Variants in TMEM135 observed in about 807,000 individuals in gnomAD.
The protein encoded by TMEM135 is transmembrane protein 135, also known as peroxisomal membrane protein 52.
A neutral mutation model predicts 60.3 loss-of-function variants in TMEM135; 30 were observed. That is an observed-to-expected ratio of 0.50 (90% CI 0.37 to 0.68). The LOEUF is 0.68. Among genes scored for constraint, TMEM135 ranks in the 30% least tolerant of loss-of-function variants. The pLI, the probability that TMEM135 is intolerant of heterozygous loss-of-function variation, is 0.00. For synonymous variants in TMEM135, 190 were observed against 186.7 expected (o/e 1.02, Z -0.14); for missense variants, 468 against 548.8 (o/e 0.85, Z 1.47).
At chr11:87,120,563 C>A (rs1444422370) in intron 4 of TMEM135, among the ~76,000 whole-genome samples, 1 of 150,556 alleles carries the variant, frequency 6.6e-6, no homozygotes, top group South Asian at 2.1e-4. Context: ...CCTCCACCTC[C>A]CTGGTTCAAG....
At chr11:87,110,818 TA>T (rs771058130) in intron 4 of TMEM135, among the ~76,000 whole-genome samples, 103 of 152,106 alleles carry the variant, frequency 6.8e-4, no homozygotes, top group Non-Finnish European at 2.6e-4. Flanking sequence ...TCAGGGTCAA[TA>T]AAAAATTGCA....
chr11:87,096,715 C>G (rs2135176789), intron 4 of TMEM135: 1 of 152,270 alleles, frequency 6.6e-6, no homozygotes, highest in East Asian at 1.9e-4. Context: ...TAATTGTATT[C>G]ACTTCATTTC....
chr11:87,235,366 A>G (rs1010272824), intron 5 of TMEM135, among the ~76,000 whole-genome samples: 1 of 151,788 alleles, frequency 6.6e-6, no homozygotes, highest in Non-Finnish European at 1.5e-5. Context: ...TTACATAAAT[A>G]TATATAATAT....
At chr11:87,144,370 T>G (rs1372070929) in intron 4 of TMEM135, among the ~76,000 whole-genome samples, 1 of 152,234 alleles carries the variant, frequency 6.6e-6, no homozygotes, top group South Asian at 2.1e-4. Context: ...ACAGTCTCTG[T>G]TGCAACTATT....
At chr11:87,246,103 A>G (rs1314416420) in intron 6 of TMEM135, among the ~76,000 whole-genome samples, 1 of 131,364 alleles carries the variant, frequency 7.6e-6, no homozygotes, top group Non-Finnish European at 1.7e-5. Flanking sequence ...TTTCTCCTTC[A>G]CTTATGAAGG....
chr11:87,205,905 TGTTA>T (rs1940224123), intron 5 of TMEM135, among the ~76,000 whole-genome samples: 2 of 152,164 alleles, frequency 1.3e-5, no homozygotes, highest in Admixed American at 1.3e-4. Flanking sequence ...CCTGAGTGTC[TGTTA>T]GTTCTCCCTC....
chr11:87,262,736 A>G (rs1242743377), intron 6 of TMEM135, among the ~76,000 whole-genome samples: 8 of 152,256 alleles, frequency 5.3e-5, no homozygotes, highest in Non-Finnish European at 1.5e-5. Flanking sequence ...AGCTCCCCAT[A>G]TCTTCATTTT....
chr11:87,184,245 T>C (rs902975250), intron 5 of TMEM135, among the ~76,000 whole-genome samples: 34 of 152,206 alleles, frequency 2.2e-4, no homozygotes, highest in African/African-American at 7.5e-4. Context: ...ATATCACATA[T>C]TTATTGCACA....
At chr11:87,169,058 CCTT>C (rs1257917313) in intron 5 of TMEM135, among the ~76,000 whole-genome samples, 1 of 151,646 alleles carries the variant, frequency 6.6e-6, no homozygotes, top group Non-Finnish European at 1.5e-5. Context: ...TATGTAATGC[CCTT>C]CTTTGTCTCT....
intron 9 of TMEM135, among the ~76,000 whole-genome samples, chr11:87,306,575 A>C (rs115950258): frequency 0.036 from 5,500 of 152,170 alleles, 95 homozygotes; most frequent in Admixed American, 0.046. Context: ...AGTGGACTTG[A>C]GTACTAGTGT....
chr11:87,172,809 C>T (rs1455428280), intron 5 of TMEM135, among the ~76,000 whole-genome samples: 4 of 151,576 alleles, frequency 2.6e-5, no homozygotes, highest in Non-Finnish European at 4.4e-5. Context: ...ATTTATAATA[C>T]AGTGATAATT....
At chr11:87,175,224 C>T (rs1045133759) in intron 5 of TMEM135, among the ~76,000 whole-genome samples, 4 of 152,154 alleles carry the variant, frequency 2.6e-5, no homozygotes, top group Non-Finnish European at 4.4e-5. Context: ...AAAATTTATA[C>T]TTCATGCCAG....
intron 5 of TMEM135, among the ~76,000 whole-genome samples, chr11:87,206,852 C>G (rs751352221): frequency 2.0e-5 from 3 of 152,082 alleles, no homozygotes; most frequent in Admixed American, 6.5e-5. Flanking sequence ...GAAATTATCT[C>G]TGTGCCTAGA....
chr11:87,197,733 T>G (rs1939993792), intron 5 of TMEM135, among the ~76,000 whole-genome samples: 1 of 152,136 alleles, frequency 6.6e-6, no homozygotes, highest in Non-Finnish European at 1.5e-5. Flanking sequence ...AATTATTTGA[T>G]GTATGTTTTG....
Position 87,295,669 on chromosome 11 carries a change from G to C in TMEM135, c.510-113G>C, listed in dbSNP as rs546183569. 8.9e-5 allele frequency: 74 copies of C among 830,608 alleles called. No individual in the cohort carries two copies. The African/African-American group carries it at 1.1e-3, about 12-fold the overall frequency. 51.5% of individuals were successfully genotyped at this position (830,608 alleles called of 1,614,324 possible). ...CTCTTTTGACCATTCATAATGTTCAGATTTTTGCCTTAAGAGTTTCATCTT... is the reference window on the plus strand; with the variant it reads ...CTCTTTTGACCATTCATAATGTTCACATTTTTGCCTTAAGAGTTTCATCTT... On this transcript the variant is annotated intron_variant, in intron 6 of 14. Transcript: ENST00000305494.
chr11:87,073,691 G>A (rs537538639), intron 3 of TMEM135, among the ~76,000 whole-genome samples: 6 of 150,624 alleles, frequency 4.0e-5, no homozygotes, highest in African/African-American at 1.2e-4. Context: ...TTTTTGAGAC[G>A]GAGTCTCGCT....
intron 6 of TMEM135, among the ~76,000 whole-genome samples, chr11:87,256,928 A>ATGTGTATG (rs1941538617): frequency 6.6e-6 from 1 of 151,232 alleles, no homozygotes; most frequent in South Asian, 2.1e-4. Flanking sequence ...GTGTGTGTGT[A>ATGTGTATG]TGTGTATGTG....
intron 4 of TMEM135, among the ~76,000 whole-genome samples, chr11:87,123,170 A>T (rs751555651): frequency 6.6e-6 from 1 of 152,186 alleles, no homozygotes; most frequent in Non-Finnish European, 1.5e-5. Flanking sequence ...GGGCTGCTGT[A>T]ACAAATTATC....
chr11:87,289,935 A>C (rs1035408513), intron 6 of TMEM135, among the ~76,000 whole-genome samples: 6 of 152,152 alleles, frequency 3.9e-5, no homozygotes. Flanking sequence ...CTTCCAGTCC[A>C]TCCATGTTGC....
Sources: allele counts gnomAD v4.1 joint callset (sites outside exome capture counted in the v4.1 genomes callset), GRCh38; gene constraint gnomAD v4.1.1; transcripts MANE v1.5; gene names NCBI Gene and HGNC (gene_info 2026-07-23, HGNC 2026-07-21).